Variants in CAPZA2 observed in about 807,000 individuals in gnomAD.
The protein encoded by CAPZA2 is capping actin protein of muscle Z-line subunit alpha 2, also known as F-actin-capping protein subunit alpha-2.
Under a neutral mutation model 44.0 loss-of-function variants are expected in CAPZA2, and 13 were observed. The ratio of observed to expected loss-of-function variants is 0.30; its 90% CI spans 0.19 to 0.47. The LOEUF (loss-of-function observed/expected upper bound fraction) is 0.47. CAPZA2 is among the 20% of genes least tolerant of loss of function. The pLI is 1.00. For missense variants in CAPZA2, 244 were observed against 338.6 expected (o/e 0.72, Z 2.19); for synonymous variants, 94 against 108.2 (o/e 0.87, Z 0.81).
intron 2 of CAPZA2, among the ~76,000 whole-genome samples, chr7:116,891,581 G>A (rs1283783165): frequency 3.3e-5 from 5 of 152,000 alleles, no homozygotes; most frequent in Admixed American, 2.6e-4. Context: ...GCGTGATCTC[G>A]GCTCACTGCA....
At chr7:116,879,827 A>C (rs529330491) in intron 1 of CAPZA2, among the ~76,000 whole-genome samples, 1 of 152,224 alleles carries the variant, frequency 6.6e-6, no homozygotes, top group East Asian at 1.9e-4. Flanking sequence ...ACATTCCCTC[A>C]CCATTTTGAA....
At chr7:116,889,688 A>G (rs1411950986) in intron 2 of CAPZA2, among the ~76,000 whole-genome samples, 1 of 152,218 alleles carries the variant, frequency 6.6e-6, no homozygotes, top group Non-Finnish European at 1.5e-5. Flanking sequence ...GGTCATCCAC[A>G]AACTACAATA....
intron 1 of CAPZA2, among the ~76,000 whole-genome samples, chr7:116,869,193 T>C (rs1303979005): frequency 6.6e-6 from 1 of 152,172 alleles, no homozygotes; most frequent in African/African-American, 2.4e-5. Context: ...AAATAGGAGA[T>C]TCATGCATAT....
rs541819833 is a variant in CAPZA2, at chr7:116,862,970, T to C, written c.39+320T>C. On this transcript the variant is annotated intron_variant, in intron 1 of 9. Transcript: ENST00000361183. ...GCGGCGGCTGCCCAGGACCCTCTCC[T>C]GCTGTCGGGCCGCGGGGCCTCCGCC... is the stretch of plus-strand genomic sequence containing the variant. 3.1e-4 allele frequency among the ~76,000 whole-genome samples: 47 copies of C among 151,910 alleles called. 1 individual carries two copies. The highest frequency in any genetic ancestry group is 1.5e-4 in the Non-Finnish European group (10 of 67,926).
At position 116,919,891 on chromosome 7, in the gene CAPZA2, ATATAATT is replaced by A. The variant is rs1791742491; in HGVS notation, c.*2027_*2033del. 1 of 149,658 alleles carries A rather than the reference ATATAATT, an allele frequency of 6.7e-6. No homozygotes were observed. Among genetic ancestry groups the A allele is most frequent in the Non-Finnish European group, 1.5e-5 (1 of 67,452 alleles). The allele number at this position is 149,658 out of a possible 1,614,324, so 9.3% of individuals were successfully genotyped here. A position where few individuals can be genotyped will look rare whatever the true frequency, so the allele number is the denominator to read the frequency against. On this transcript the variant is annotated 3_prime_UTR_variant, in exon 10 of 10. Transcript: ENST00000361183. ...AAAAATAATAATAATAATAATAATAATATAATTTAGAACAGTCTGAAATAATGATGGC... is the reference window on the plus strand; with the variant it reads ...AAAAATAATAATAATAATAATAATAATAGAACAGTCTGAAATAATGATGGC...
chr7:116,892,431 TG>T (rs1315841199), intron 2 of CAPZA2, among the ~76,000 whole-genome samples: 1 of 152,164 alleles, frequency 6.6e-6, no homozygotes, highest in Non-Finnish European at 1.5e-5. Flanking sequence ...TCAATAAAAA[TG>T]CTATTTTTGA....
chr7:116,894,308 G>A (rs1205671088), intron 3 of CAPZA2, among the ~76,000 whole-genome samples: 1 of 148,122 alleles, frequency 6.8e-6, no homozygotes, highest in African/African-American at 2.5e-5. Context: ...GTTGCAGCAA[G>A]CCGAGATGGC....
chr7:116,912,360 TTC>T (rs1791607780), intron 8 of CAPZA2, among the ~76,000 whole-genome samples: 1 of 152,058 alleles, frequency 6.6e-6, no homozygotes, highest in Non-Finnish European at 1.5e-5. Flanking sequence ...CTTCAAATTT[TTC>T]TCTTTTTTTT....
At chr7:116,909,545 T>G in intron 6 of CAPZA2, among the ~76,000 whole-genome samples, 1 of 152,048 alleles carries the variant, frequency 6.6e-6, no homozygotes, top group East Asian at 1.9e-4. Context: ...AGGATATGCC[T>G]TTTATGTGGA....
chr7:116,916,032 A>AT (rs756698505), intron 8 of CAPZA2, 28 bp from the exon 9 acceptor site: 2 of 1,398,358 alleles, frequency 1.4e-6, no homozygotes, highest in South Asian at 1.4e-5. Flanking sequence ...TTAAATTACT[A>AT]TTTTTATTTT....
At chr7:116,909,931 A>G (rs1791567916) in intron 6 of CAPZA2, 4 of 304,894 alleles carry the variant, frequency 1.3e-5, no homozygotes. Flanking sequence ...ATTGTGATCA[A>G]TTAGTGGCAA....
At chr7:116,904,661 A>T (rs1791462737) in intron 5 of CAPZA2, 2 of 285,566 alleles carry the variant, frequency 7.0e-6, no homozygotes, top group Non-Finnish European at 1.3e-5. Flanking sequence ...GAGATTCTGT[A>T]ATCTTATGTT....
intron 1 of CAPZA2, among the ~76,000 whole-genome samples, chr7:116,862,886 T>G (rs2115854318): frequency 6.6e-6 from 1 of 150,920 alleles, no homozygotes; most frequent in East Asian, 2.0e-4. Context: ...GGGTGTGTAC[T>G]CCGAAAATAG....
At position 116,887,699 on chromosome 7, in the gene CAPZA2, G is replaced by A. The variant is rs182237783; in HGVS notation, c.40-428G>A. ...ATACAAAAAATTAGCTGGGCATGGC[G>A]GCACGCGCCTGTAGTCCCAGCTACT... is the stretch of plus-strand genomic sequence containing the variant. On this transcript the variant is annotated intron_variant, in intron 1 of 9. Transcript: ENST00000361183. 3.1e-3 allele frequency among the ~76,000 whole-genome samples: 469 copies of A among 152,318 alleles called. 1 individual carries two copies. Among genetic ancestry groups the A allele is most frequent in the Non-Finnish European group, 4.7e-3 (323 of 68,038 alleles).
chr7:116,915,755 T>C lies in CAPZA2; in HGVS notation c.658-305T>C, dbSNP rs79202136. The C allele has an allele frequency of 2.4e-3, 432 of 176,934 alleles. 9 individuals are homozygous for C. In the East Asian group the frequency reaches 0.052, roughly 21 times the overall value. The allele number at this position is 176,934 out of a possible 1,614,324, so 11.0% of individuals were successfully genotyped here. ...AAATCTTTACCAAACTTCTTACCCA[T>C]AAAGGTTGTCTATTGGAATGCATGT... On this transcript the variant is annotated intron_variant, in intron 8 of 9. Coordinates refer to ENST00000361183, the MANE Select transcript of CAPZA2 (RefSeq NM_006136.3).
intron 1 of CAPZA2, among the ~76,000 whole-genome samples, chr7:116,881,628 A>G (rs1158842351): frequency 6.6e-6 from 1 of 150,712 alleles, no homozygotes; most frequent in African/African-American, 2.4e-5. Flanking sequence ...AGTCCCAGCT[A>G]CTTGGGAGGC....
At chr7:116,881,924 A>G (rs1437846918) in intron 1 of CAPZA2, among the ~76,000 whole-genome samples, 1 of 151,882 alleles carries the variant, frequency 6.6e-6, no homozygotes, top group Non-Finnish European at 1.5e-5. Flanking sequence ...AAGAGTACAG[A>G]CTGATTATTT....
At chr7:116,880,302 A>G (rs1406684282) in intron 1 of CAPZA2, among the ~76,000 whole-genome samples, 1 of 152,252 alleles carries the variant, frequency 6.6e-6, no homozygotes, top group Non-Finnish European at 1.5e-5. Flanking sequence ...TCAGAACTCA[A>G]GTAATTAGAA....
chr7:116,900,380 G>A (rs1179197923), intron 4 of CAPZA2, among the ~76,000 whole-genome samples: 1 of 149,456 alleles, frequency 6.7e-6, no homozygotes, highest in Non-Finnish European at 1.5e-5. Context: ...AATACCAAGA[G>A]ATTCTAATAA....
Sources: allele counts gnomAD v4.1 joint callset (sites outside exome capture counted in the v4.1 genomes callset), GRCh38; gene constraint gnomAD v4.1.1; transcripts MANE v1.5; gene names NCBI Gene and HGNC (gene_info 2026-07-23, HGNC 2026-07-21).